CIMAP1D: variants seen among roughly 807,000 people sequenced by gnomAD.
The protein encoded by CIMAP1D is protein CIMAP1D.
chr19:485,494 G>C, the CIMAP1D span, among the ~76,000 whole-genome samples: 2 of 152,218 alleles, frequency 1.3e-5, no homozygotes, highest in Non-Finnish European at 2.9e-5. Flanking sequence ...TTTCTCTAGA[G>C]ACAAGGTCTC....
At chr19:469,025 G>A in the CIMAP1D span, among the ~76,000 whole-genome samples, 3 of 151,952 alleles carry the variant, frequency 2.0e-5, no homozygotes, top group South Asian at 2.1e-4. Context: ...AGACCTCCCC[G>A]CCACAGGCAC....
chr19:465,751 G>A, the CIMAP1D span, among the ~76,000 whole-genome samples: 10 of 149,148 alleles, frequency 6.7e-5, no homozygotes, highest in Non-Finnish European at 1.5e-4. Flanking sequence ...ACAGATGGAT[G>A]GGTAGGTGGA....
the CIMAP1D span, among the ~76,000 whole-genome samples, chr19:464,581 T>G: frequency 4.6e-5 from 7 of 152,130 alleles, no homozygotes; most frequent in African/African-American, 1.7e-4. Context: ...CGCCTTCATT[T>G]TCCACCCCTC....
At chr19:465,850 AGATG>A in the CIMAP1D span, among the ~76,000 whole-genome samples, 17 of 75,416 alleles carry the variant, frequency 2.3e-4, no homozygotes, top group East Asian at 2.6e-3. Context: ...ATGTGTGGAT[AGATG>A]GATGGATGGG....
At chr19:478,590 C>T in the CIMAP1D span, among the ~76,000 whole-genome samples, 6 of 152,252 alleles carry the variant, frequency 3.9e-5, no homozygotes, top group African/African-American at 1.2e-4. Flanking sequence ...CAGAGCTTGT[C>T]GCAACTGCCA....
At chr19:481,261 GA>G in the CIMAP1D span, among the ~76,000 whole-genome samples, 2 of 147,434 alleles carry the variant, frequency 1.4e-5, no homozygotes, top group Non-Finnish European at 3.0e-5. Context: ...AGGATGATGG[GA>G]AAAGATGATG....
chr19:468,167 A>G, the CIMAP1D span, among the ~76,000 whole-genome samples: 8 of 152,060 alleles, frequency 5.3e-5, no homozygotes, highest in Admixed American at 2.0e-4. Context: ...GGACTTTGAG[A>G]CCAGCATGGG....
chr19:489,911 G>T, the CIMAP1D span: 1 of 394,876 alleles, frequency 2.5e-6, no homozygotes, highest in South Asian at 1.3e-4. Context: ...CCTGAACCCC[G>T]ACCCAGGGCG....
the CIMAP1D span, among the ~76,000 whole-genome samples, chr19:483,451 C>G: frequency 6.6e-6 from 1 of 152,224 alleles, no homozygotes; most frequent in Non-Finnish European, 1.5e-5. Context: ...CCTCACCACT[C>G]CCCCAGGCAT....
At chr19:463,920 G>A in the CIMAP1D span, 32 of 1,611,434 alleles carry the variant, frequency 2.0e-5, no homozygotes, top group Non-Finnish European at 2.3e-5. Flanking sequence ...GGCCCGTTTC[G>A]AGTGGCGGAT....
the CIMAP1D span, among the ~76,000 whole-genome samples, chr19:466,213 CGGGTGGGTGGAT>C: frequency 2.5e-4 from 3 of 11,940 alleles, no homozygotes; most frequent in Non-Finnish European, 5.1e-4. Flanking sequence ...GGTGGGTGGG[CGGGTGGGTGGAT>C]GGATGAGTGG....
At chr19:469,223 C>CTT in the CIMAP1D span, among the ~76,000 whole-genome samples, 2 of 143,508 alleles carry the variant, frequency 1.4e-5, no homozygotes, top group Admixed American at 6.9e-5. Context: ...TGGGGAGATT[C>CTT]TTTTTTTTTT....
the CIMAP1D span, among the ~76,000 whole-genome samples, chr19:482,483 C>A: frequency 7.2e-5 from 11 of 152,214 alleles, no homozygotes; most frequent in Admixed American, 7.2e-4. Context: ...GACTGGAGAA[C>A]TACAACGCTG....
At chr19:463,882 G>C in the CIMAP1D span, 12 of 1,610,694 alleles carry the variant, frequency 7.5e-6, no homozygotes, top group African/African-American at 2.7e-5. Context: ...CCCGCAGGCC[G>C]GGAGGGCGTG....
At chr19:471,098 T>C in the CIMAP1D span, among the ~76,000 whole-genome samples, 1 of 152,284 alleles carries the variant, frequency 6.6e-6, no homozygotes, top group East Asian at 1.9e-4. Flanking sequence ...ACACGTTTAC[T>C]GAGCACTTAC....
chr19:472,417 G>C, the CIMAP1D span: 3 of 1,542,198 alleles, frequency 1.9e-6, no homozygotes, highest in Non-Finnish European at 2.6e-6. Context: ...CCGGACGAGC[G>C]AGTAGGCGGG....
the CIMAP1D span, among the ~76,000 whole-genome samples, chr19:482,854 G>A: frequency 6.6e-6 from 1 of 152,078 alleles, no homozygotes; most frequent in South Asian, 2.1e-4. Flanking sequence ...CCCCAGCCCC[G>A]CCCCTCGACG....
chr19:483,068 G>A, the CIMAP1D span, among the ~76,000 whole-genome samples: 2 of 152,166 alleles, frequency 1.3e-5, no homozygotes, highest in South Asian at 4.1e-4. Context: ...CTGAAGACAA[G>A]GGCATCTGGC....
the CIMAP1D span, among the ~76,000 whole-genome samples, chr19:491,398 C>T: frequency 2.0e-5 from 3 of 152,212 alleles, no homozygotes; most frequent in African/African-American, 7.2e-5. Context: ...TTCAGTCTCT[C>T]GACGCGACGC....
Sources: allele counts gnomAD v4.1 joint callset (sites outside exome capture counted in the v4.1 genomes callset), GRCh38; gene constraint gnomAD v4.1.1; transcripts MANE v1.5; gene names NCBI Gene and HGNC (gene_info 2026-07-23, HGNC 2026-07-21).